PRSS3: variants seen among roughly 807,000 people sequenced by gnomAD.
PRSS3 encodes serine protease 3, also known as trypsin-3.
In PRSS3, 14 loss-of-function variants were observed where a neutral mutation model predicts 20.8. That is an observed-to-expected ratio of 0.67 (90% CI 0.44 to 1.05). The LOEUF is 1.05. Ranked by LOEUF, PRSS3 falls within the 50% of genes least tolerant of loss-of-function variation. The probability of loss-of-function intolerance (pLI) is 0.00; values close to 1 mark genes in which losing one functional copy is unlikely to be tolerated. For synonymous variants in PRSS3, 91 were observed against 117.6 expected (o/e 0.77, Z 1.46); for missense variants, 237 against 306.4 (o/e 0.77, Z 1.69).
intron 1 of PRSS3, among the ~76,000 whole-genome samples, chr9:33,771,637 G>C (rs12236837): frequency 1.1e-5 from 1 of 87,918 alleles, no homozygotes; most frequent in African/African-American, 4.1e-5. Flanking sequence ...TTGTTTTTTT[G>C]TTTTTTTGTT....
chr9:33,786,359 G>T, intron 1 of PRSS3: 1 of 605,460 alleles, frequency 1.7e-6, no homozygotes, highest in Non-Finnish European at 2.9e-6. Context: ...AGAAGATGAA[G>T]GGGATATGTT....
At chr9:33,778,318 A>G (rs1296739752) in intron 1 of PRSS3, among the ~76,000 whole-genome samples, 1 of 152,172 alleles carries the variant, frequency 6.6e-6, no homozygotes, top group Admixed American at 6.5e-5. Context: ...AAAGAAGTCA[A>G]TAATGTTCAC....
At chr9:33,772,823 TTAAC>T (rs1003697441) in intron 1 of PRSS3, among the ~76,000 whole-genome samples, 1 of 152,192 alleles carries the variant, frequency 6.6e-6, no homozygotes, top group African/African-American at 2.4e-5. Context: ...GACATTTGCT[TTAAC>T]TCTCCACCTG....
intron 1 of PRSS3, among the ~76,000 whole-genome samples, chr9:33,753,299 C>T (rs1396050087): frequency 6.6e-6 from 1 of 152,068 alleles, no homozygotes; most frequent in East Asian, 1.9e-4. Context: ...TATCTTAGAG[C>T]TGGGTATAAC....
At chr9:33,755,592 A>G (rs751617007) in intron 1 of PRSS3, among the ~76,000 whole-genome samples, 2 of 152,110 alleles carry the variant, frequency 1.3e-5, no homozygotes, top group Admixed American at 6.5e-5. Context: ...TGATATGTCA[A>G]TGTTTGGTGT....
In PRSS3 at chr9:33,797,831, G is replaced by T; in HGVS notation, c.203G>T (p.Arg68Leu). 4 of 1,541,890 alleles carry T rather than the reference G, an allele frequency of 2.6e-6. No homozygotes were observed. Among genetic ancestry groups the T allele is most frequent in the Non-Finnish European group, 3.5e-6 (4 of 1,144,388 alleles). The change falls in exon 3 of 5, where the codon CGC becomes CTC. Residue 68 changes from arginine to leucine, a missense_variant and splice_region_variant. Transcript: ENST00000379405. The part of the protein sequence containing the change: ...VVSAAHCYKT[R>L]IQVRLGEHNI... ...ACCATGCCTGCCCTGCCCATCAGCC[G>T]CATCCAGGTGAGACTGGGAGAGCAC...
At chr9:33,756,666 T>A (rs1178485222) in intron 1 of PRSS3, among the ~76,000 whole-genome samples, 1 of 152,222 alleles carries the variant, frequency 6.6e-6, no homozygotes, top group Non-Finnish European at 1.5e-5. Context: ...ACCATTACAT[T>A]TTTAATTATC....
intron 1 of PRSS3, among the ~76,000 whole-genome samples, chr9:33,763,226 C>T (rs1432915687): frequency 4.6e-5 from 7 of 152,226 alleles, no homozygotes; most frequent in Admixed American, 2.0e-4. Context: ...ACTCAGCCTT[C>T]CTCAGGCCCA....
chr9:33,790,910 A>G (rs564360346), upstream of PRSS3, among the ~76,000 whole-genome samples: 2 of 152,366 alleles, frequency 1.3e-5, no homozygotes, highest in East Asian at 3.9e-4. Flanking sequence ...GGAAAACTCT[A>G]CAAAGGCATT....
chr9:33,766,519 G>A (rs1011127077), intron 1 of PRSS3, among the ~76,000 whole-genome samples: 4 of 152,070 alleles, frequency 2.6e-5, no homozygotes, highest in Non-Finnish European at 4.4e-5. Context: ...CTTGCAGTGA[G>A]CAGAGATCGC....
intron 1 of PRSS3, among the ~76,000 whole-genome samples, chr9:33,788,775 T>C (rs1244742230): frequency 6.6e-6 from 1 of 152,186 alleles, no homozygotes; most frequent in African/African-American, 2.4e-5. Flanking sequence ...GCCAGAAGTA[T>C]AGCTATATCT....
In PRSS3 at chr9:33,750,781, G is replaced by T; in HGVS notation, c.-53+54G>T. ...GAAACTGGAGGAGGGCTCGAAGGGA[G>T]AGGGAGCCCCGCCAAGGAGCGGGGC... On this transcript the variant is annotated intron_variant, in intron 1 of 5. Transcript: ENST00000342836. The surrounding 1 kb of genome is among the most constrained non-coding windows in gnomAD (Gnocchi z 4.8). The T allele has an allele frequency of 1.4e-6, 2 of 1,414,910 alleles. No homozygotes were observed. Among genetic ancestry groups the T allele is most frequent in the Non-Finnish European group, 1.8e-6 (2 of 1,089,580 alleles). 87.6% of individuals were successfully genotyped at this position (1,414,910 alleles called of 1,614,324 possible). A position where few individuals can be genotyped will look rare whatever the true frequency, so the allele number is the denominator to read the frequency against.
Position 33,779,967 on chromosome 9 carries a change from G to A in PRSS3, c.-52-14779G>A, listed in dbSNP as rs117090620. On this transcript the variant is annotated intron_variant, in intron 1 of 5. Coordinates refer to the PRSS3 transcript ENST00000342836. ...CATTGGCATTCCTGAAATAGGAGGA[G>A]AAAGAGTAAGCAATTTCAAAAATGT... Among the ~76,000 whole-genome samples the A allele has an allele frequency of 9.4e-3, 1,363 of 145,416 alleles. 9 individuals are homozygous for A. Among genetic ancestry groups the A allele is most frequent in the Middle Eastern group, 0.037 (10 of 272 alleles).
intron 2 of PRSS3, among the ~76,000 whole-genome samples, chr9:33,797,056 T>A (rs1488936025): frequency 1.3e-5 from 2 of 152,188 alleles, no homozygotes; most frequent in South Asian, 2.1e-4. Context: ...CTTTTGCTGG[T>A]TAGCTACACA....
chr9:33,773,166 C>G (rs191735149), intron 1 of PRSS3, among the ~76,000 whole-genome samples: 1 of 152,130 alleles, frequency 6.6e-6, no homozygotes, highest in Non-Finnish European at 1.5e-5. Flanking sequence ...CCTCCATTTT[C>G]TCTTTCTGAC....
intron 1 of PRSS3, among the ~76,000 whole-genome samples, chr9:33,766,428 C>T (rs1176037451): frequency 6.6e-6 from 1 of 151,730 alleles, no homozygotes; most frequent in African/African-American, 2.4e-5. Context: ...AAAAAATTAG[C>T]CGGGCATGGT....
intron 1 of PRSS3, among the ~76,000 whole-genome samples, chr9:33,760,495 C>T (rs1452196100): frequency 6.6e-6 from 1 of 151,978 alleles, no homozygotes; most frequent in African/African-American, 2.4e-5. Flanking sequence ...GCCTGTAATC[C>T]CAGCACTTTG....
intron 1 of PRSS3, among the ~76,000 whole-genome samples, chr9:33,767,650 C>A (rs1158299135): frequency 6.6e-6 from 1 of 152,092 alleles, no homozygotes; most frequent in Non-Finnish European, 1.5e-5. Flanking sequence ...ATGGTGAAAC[C>A]CCGTCTCTAC....
rs144469433 is a variant in PRSS3 at position 33,781,458 on chromosome 9, C to G, written c.-52-13288C>G. On this transcript the variant is annotated intron_variant, in intron 1 of 5. Transcript: ENST00000342836. ...ACCAAATACTACATGTTCTCACTTACAAGTGGGAACTAAACATTGAGCACA... is the reference window on the plus strand; with the variant it reads ...ACCAAATACTACATGTTCTCACTTAGAAGTGGGAACTAAACATTGAGCACA... Among the ~76,000 whole-genome samples the G allele has an allele frequency of 4.7e-4, 72 of 152,260 alleles. 1 individual carries two copies. Among genetic ancestry groups the G allele is most frequent in the African/African-American group, 1.5e-3 (63 of 41,576 alleles).
Sources: allele counts gnomAD v4.1 joint callset (sites outside exome capture counted in the v4.1 genomes callset), GRCh38; gene constraint gnomAD v4.1.1; non-coding constraint Gnocchi (gnomAD v3.1); transcripts MANE v1.5; gene names NCBI Gene and HGNC (gene_info 2026-07-23, HGNC 2026-07-21).